The following CARMIL1 variants were observed in gnomAD, a reference collection of about 807,000 sequenced individuals.
The protein encoded by CARMIL1 is F-actin-uncapping protein LRRC16A.
CARMIL1 carries 90 observed loss-of-function variants against 177.1 expected under a neutral mutation model. The observed-to-expected ratio is 0.51, with a 90% CI of 0.43 to 0.61. The LOEUF is 0.61. Among genes scored for constraint, CARMIL1 ranks in the 20% least tolerant of loss-of-function variants. The pLI, the probability that CARMIL1 is intolerant of heterozygous loss-of-function variation, is 0.00. For missense variants in CARMIL1, 1,380 were observed against 1,667.0 expected, an observed-to-expected ratio of 0.83 and a Z score of 3.00; for synonymous variants, 577 against 606.2, an observed-to-expected ratio of 0.95 and a Z score of 0.71.
At chr6:25,545,212 G>T (rs1160305866) in intron 26 of CARMIL1, among the ~76,000 whole-genome samples, 1 of 152,132 alleles carries the variant, frequency 6.6e-6, no homozygotes, top group African/African-American at 2.4e-5. Flanking sequence ...AGGAAATGTT[G>T]GGTTATTTTT....
In CARMIL1 at chr6:25,426,520, A is replaced by G. The variant is rs985131194; in HGVS notation, c.209A>G (p.Tyr70Cys). Residue 70 changes from tyrosine to cysteine, a missense_variant, in exon 4 of 37, where the codon TAC becomes TGC. Transcript: ENST00000329474. ...TTGCAGCTCGAGTTAACCTTCAGCT[A>G]CTTGGAGATTCATGGCGTCGTTTGC... ...IPTKLELTFS[Y>C]LEIHGVVCSK... The G allele has an allele frequency of 1.9e-6, 3 of 1,611,380 alleles. No homozygotes were observed. The highest frequency in any genetic ancestry group is 1.3e-5 in the African/African-American group (1 of 74,366).
At chr6:25,463,264 G>C (rs943384541) in intron 8 of CARMIL1, among the ~76,000 whole-genome samples, 3 of 151,928 alleles carry the variant, frequency 2.0e-5, no homozygotes, top group Non-Finnish European at 2.9e-5. Context: ...ATATTTGTTA[G>C]CATTTATATC....
In CARMIL1 at chr6:25,322,538, G is replaced by T. The variant is rs541050446; in HGVS notation, c.138+37629G>T. Among the ~76,000 whole-genome samples, 9 of 152,140 alleles carry T rather than the reference G, an allele frequency of 5.9e-5. No homozygotes were observed. The South Asian group carries it at 1.5e-3, about 25-fold the overall frequency. ...CACACACAAAAATACACAAACTTTA[G>T]GTAACATAAATGTGTGTGGCTGTCA... is the stretch of plus-strand genomic sequence containing the variant. On this transcript the variant is annotated intron_variant, in intron 2 of 36. Coordinates refer to ENST00000329474, the MANE Select transcript of CARMIL1 (RefSeq NM_017640.6).
chr6:25,417,939 G>C (rs534454825), intron 2 of CARMIL1, among the ~76,000 whole-genome samples: 1 of 152,084 alleles, frequency 6.6e-6, no homozygotes, highest in South Asian at 2.1e-4. Context: ...GCTCGACAAA[G>C]AGTAGCAACG....
intron 8 of CARMIL1, among the ~76,000 whole-genome samples, chr6:25,458,395 A>T (rs758971686): frequency 4.0e-5 from 6 of 148,260 alleles, no homozygotes; most frequent in Non-Finnish European, 8.9e-5. Context: ...AGCCTGAGGC[A>T]GGAGAATTGC....
At chr6:25,468,346 GT>G (rs1800810876) in intron 9 of CARMIL1, among the ~76,000 whole-genome samples, 1 of 151,472 alleles carries the variant, frequency 6.6e-6, no homozygotes, top group East Asian at 1.9e-4. Context: ...TCTTTTTTTA[GT>G]CTTTAGGGAA....
At chr6:25,555,382 TATTC>T (rs61571019) in intron 28 of CARMIL1, among the ~76,000 whole-genome samples, 38,964 of 150,214 alleles carry the variant, frequency 0.26, 5,282 homozygotes, top group Middle Eastern at 0.32. Context: ...AGCAATAGAG[TATTC>T]ATTCATTCAT....
intron 17 of CARMIL1, among the ~76,000 whole-genome samples, chr6:25,506,704 A>C (rs764769017): frequency 6.6e-6 from 1 of 152,220 alleles, no homozygotes; most frequent in Non-Finnish European, 1.5e-5. Context: ...TATACCATTC[A>C]GTTTTATGTA....
rs1805905726 is a variant in CARMIL1 at position 25,515,605 on chromosome 6, G to A, written c.1633-70G>A. ...AGGTCCATCCCCTCTCATTCTCCACGAAATGCGTCGTGGAGAGTGGGTGCT... is the reference window on the plus strand; with the variant it reads ...AGGTCCATCCCCTCTCATTCTCCACAAAATGCGTCGTGGAGAGTGGGTGCT... On this transcript the variant is annotated intron_variant, in intron 20 of 36. Transcript: ENST00000329474. This position sits in a 1 kb window ranked among gnomAD's most constrained non-coding sequence, Gnocchi z 5.0. 2.1e-6 allele frequency: 3 copies of A among 1,433,730 alleles called. No individual in the cohort carries two copies. Among genetic ancestry groups the A allele is most frequent in the South Asian group, 1.4e-5 (1 of 71,258 alleles). The allele number at this position is 1,433,730 out of a possible 1,614,324, so 88.8% of individuals were successfully genotyped here. A position where few individuals can be genotyped will look rare whatever the true frequency, so the allele number is the denominator to read the frequency against.
chr6:25,430,264 G>C (rs1796632231), intron 4 of CARMIL1, among the ~76,000 whole-genome samples: 1 of 147,312 alleles, frequency 6.8e-6, no homozygotes, highest in African/African-American at 2.5e-5. Context: ...TTCTCTATTA[G>C]AGAATCATAG....
intron 3 of CARMIL1, among the ~76,000 whole-genome samples, chr6:25,424,765 T>C (rs1796143678): frequency 6.6e-6 from 1 of 152,096 alleles, no homozygotes; most frequent in South Asian, 2.1e-4. Flanking sequence ...GGAGGGGTGG[T>C]GAGGAGCATA....
At chr6:25,511,688 G>T (rs1255309873) in intron 20 of CARMIL1, among the ~76,000 whole-genome samples, 2 of 152,160 alleles carry the variant, frequency 1.3e-5, no homozygotes, top group African/African-American at 4.8e-5. Context: ...TTCTATCACA[G>T]CTTTAAGCTG....
At chr6:25,376,000 C>T (rs1236858618) in intron 2 of CARMIL1, among the ~76,000 whole-genome samples, 1 of 152,142 alleles carries the variant, frequency 6.6e-6, no homozygotes, top group Non-Finnish European at 1.5e-5. Flanking sequence ...AAGATTTCAT[C>T]TTGGTTTGGA....
chr6:25,373,738 A>G (rs1223060655), intron 2 of CARMIL1, among the ~76,000 whole-genome samples: 2 of 151,688 alleles, frequency 1.3e-5, no homozygotes, highest in African/African-American at 4.8e-5. Context: ...ATGCGCCACT[A>G]TGCCTGGCTA....
chr6:25,327,105 T>A (rs77088916), intron 2 of CARMIL1, among the ~76,000 whole-genome samples: 7,965 of 152,184 alleles, frequency 0.052, 308 homozygotes, highest in Non-Finnish European at 0.088. Flanking sequence ...AGAAAGGAAT[T>A]TGGGACTTGC....
intron 8 of CARMIL1, among the ~76,000 whole-genome samples, chr6:25,461,353 T>A (rs1055021608): frequency 6.6e-6 from 1 of 152,234 alleles, no homozygotes; most frequent in African/African-American, 2.4e-5. Context: ...GTGTTCTGGT[T>A]ATCTATTGCT....
intron 29 of CARMIL1, among the ~76,000 whole-genome samples, chr6:25,565,612 C>T (rs574955731): frequency 1.6e-4 from 24 of 152,216 alleles, no homozygotes; most frequent in South Asian, 1.5e-3. Flanking sequence ...TTTGGGAGGC[C>T]GAGGCGGGCA....
Position 25,435,558 on chromosome 6 carries a change from C to T in CARMIL1, c.325C>T (p.His109Tyr). Residue 109 changes from histidine (H) to tyrosine (Y), a missense_variant, in exon 5 of 37, where the codon CAC (histidine) becomes TAC (tyrosine). Coordinates refer to ENST00000329474, the MANE Select transcript of CARMIL1 (RefSeq NM_017640.6). The stretch of plus-strand genomic sequence containing the variant: ...CGAGGACGTGAGTGAGGTGCTGGCT[C>T]ACATAGGCACCTGCCTGAGGAAGAT... ...SPEDVSEVLA[H>Y]IGTCLRKIFP... The T allele has an allele frequency of 6.4e-7, 1 of 1,563,330 alleles. No individual in the cohort carries two copies. The highest frequency in any genetic ancestry group is 2.4e-5 in the East Asian group (1 of 42,136).
intron 2 of CARMIL1, among the ~76,000 whole-genome samples, chr6:25,302,829 C>T (rs1179325138): frequency 6.6e-6 from 1 of 152,198 alleles, no homozygotes; most frequent in Non-Finnish European, 1.5e-5. Flanking sequence ...CCATTAAGTG[C>T]TCTCTGACTA....
Sources: gnomAD v4.1 joint callset for allele counts (sites outside exome capture counted in the v4.1 genomes callset) on GRCh38, gnomAD v4.1.1 for gene constraint, Gnocchi (gnomAD v3.1) non-coding constraint, MANE v1.5 for transcripts, NCBI Gene and HGNC (gene_info 2026-07-23, HGNC 2026-07-21) for gene names.